SFMBT2: variants seen among roughly 807,000 people sequenced by gnomAD.
The protein encoded by SFMBT2 is scm-like with four MBT domains protein 2.
In SFMBT2, 38 loss-of-function variants were observed where a neutral mutation model predicts 110.1. The ratio of observed to expected loss-of-function variants is 0.35; its 90% CI spans 0.27 to 0.45. The LOEUF (loss-of-function observed/expected upper bound fraction) is 0.45, where lower values mean the gene tolerates loss of function less well. Ranked by LOEUF, SFMBT2 falls within the 20% of genes least tolerant of loss-of-function variation. The pLI is 1.00. For synonymous variants in SFMBT2, 425 were observed against 425.4 expected, an observed-to-expected ratio of 1.00 and a Z score of 0.01; for missense variants, 1,011 against 1,094.9, an observed-to-expected ratio of 0.92 and a Z score of 1.08.
rs1448626638 is a variant in SFMBT2, at chr10:7,410,958, C to G, written c.-149G>C. Among the ~76,000 whole-genome samples the G allele has an allele frequency of 6.6e-6, 1 of 151,652 alleles. No homozygotes were observed. Among genetic ancestry groups the G allele is most frequent in the East Asian group, 1.9e-4 (1 of 5,174 alleles). On this transcript the variant is annotated 5_prime_UTR_variant, in exon 1 of 21. Transcript: ENST00000397167. Reference sequence around the variant, plus strand: ...CGCTTGCTCGCTCGCCCGCCCTTGCCCGCTCGCTCCCCGCCCGCCGCCTCC... The same window carrying G: ...CGCTTGCTCGCTCGCCCGCCCTTGCGCGCTCGCTCCCCGCCCGCCGCCTCC...
In SFMBT2 at chr10:7,172,807, A is replaced by G; in HGVS notation, c.1985-146T>C. 2 of 1,051,074 alleles carry G rather than the reference A, an allele frequency of 1.9e-6. No homozygotes were observed. Among genetic ancestry groups the G allele is most frequent in the Non-Finnish European group, 2.7e-6 (2 of 738,352 alleles). 65.1% of individuals were successfully genotyped at this position (1,051,074 alleles called of 1,614,324 possible). ...AGTCATTCTGAGAAAACAGACCCACAGGAGAAGCACTGCTCCAAAGCTTCA... is the reference window on the plus strand; with the variant it reads ...AGTCATTCTGAGAAAACAGACCCACGGGAGAAGCACTGCTCCAAAGCTTCA... On this transcript the variant is annotated intron_variant, in intron 17 of 20. Transcript: ENST00000397167. This position sits in a 1 kb window ranked among gnomAD's most constrained non-coding sequence, Gnocchi z 4.6.
rs573607911 is a variant in SFMBT2 at position 7,301,515 on chromosome 10, C to T, written c.437-15561G>A. On this transcript the variant is annotated intron_variant, in intron 4 of 20. Transcript: ENST00000397167. The surrounding 1 kb of genome is among the most constrained non-coding windows in gnomAD (Gnocchi z 4.2). ...CCTGGGCTGTATCTGCACACTCAGC[C>T]ATCGGCAGTTAGTGGCACACTTTCC... Among the ~76,000 whole-genome samples, 69 of 152,324 alleles carry T rather than the reference C, an allele frequency of 4.5e-4. No homozygotes were observed. Among genetic ancestry groups the T allele is most frequent in the African/African-American group, 1.6e-3 (66 of 41,574 alleles).
At chr10:7,407,066 G>A (rs1177863140) in intron 1 of SFMBT2, among the ~76,000 whole-genome samples, 1 of 152,152 alleles carries the variant, frequency 6.6e-6, no homozygotes, top group Admixed American at 6.5e-5. Flanking sequence ...CAAGAGCAAA[G>A]ATAAGATCTG....
At chr10:7,215,575 G>A in intron 11 of SFMBT2, 4 of 985,418 alleles carry the variant, frequency 4.1e-6, no homozygotes, top group Middle Eastern at 1.0e-3. Context: ...CCAAGCACTG[G>A]AATCCCTCCC....
rs894004283 is a variant in SFMBT2 at position 7,164,057 on chromosome 10, G to A, written c.2545-147C>T. The A allele has an allele frequency of 2.9e-6, 4 of 1,378,692 alleles. No individual in the cohort carries two copies. In the East Asian group the frequency reaches 8.5e-5, roughly 29 times the overall value. 85.4% of individuals were successfully genotyped at this position (1,378,692 alleles called of 1,614,324 possible). ...CAGGGGATTGTTGGTAGAGATACCAGCCCGGCTTGATGACTGTCTAATCTT... is the reference window on the plus strand; with the variant it reads ...CAGGGGATTGTTGGTAGAGATACCAACCCGGCTTGATGACTGTCTAATCTT... On this transcript the variant is annotated intron_variant, in intron 20 of 20. Coordinates refer to ENST00000397167, the MANE Select transcript of SFMBT2 (RefSeq NM_001387889.1).
chr10:7,330,120 T>G (rs1843521183), intron 4 of SFMBT2, among the ~76,000 whole-genome samples: 1 of 152,160 alleles, frequency 6.6e-6, no homozygotes, highest in Non-Finnish European at 1.5e-5. Flanking sequence ...AAGATTGGGT[T>G]GTAAACGTTT....
At chr10:7,314,245 G>A (rs930742460) in intron 4 of SFMBT2, among the ~76,000 whole-genome samples, 1 of 152,180 alleles carries the variant, frequency 6.6e-6, no homozygotes, top group Non-Finnish European at 1.5e-5. Context: ...ATGACACAGC[G>A]CTAATCAAAA....
intron 4 of SFMBT2, among the ~76,000 whole-genome samples, chr10:7,347,243 G>A (rs1190600111): frequency 1.3e-5 from 2 of 152,190 alleles, no homozygotes; most frequent in African/African-American, 4.8e-5. Flanking sequence ...GTGAGCTGCT[G>A]TCCCCAGCCT....
At chr10:7,303,322 T>C (rs977589028) in intron 4 of SFMBT2, among the ~76,000 whole-genome samples, 9 of 152,390 alleles carry the variant, frequency 5.9e-5, no homozygotes, top group African/African-American at 9.6e-5. Flanking sequence ...ATGAAATTTA[T>C]AGTTGTTTAA....
At chr10:7,244,142 G>T in intron 8 of SFMBT2, 1 of 340,760 alleles carries the variant, frequency 2.9e-6, no homozygotes, top group Non-Finnish European at 4.2e-6. Context: ...GATCTGGCTT[G>T]GAGCTTTCTA....
At chr10:7,244,387 T>C (rs1840539665) in intron 8 of SFMBT2, among the ~76,000 whole-genome samples, 1 of 152,232 alleles carries the variant, frequency 6.6e-6, no homozygotes, top group African/African-American at 2.4e-5. Flanking sequence ...AAAACTCTCA[T>C]TCCTTCCTAG....
chr10:7,398,604 T>C (rs574484664), intron 1 of SFMBT2, among the ~76,000 whole-genome samples: 152 of 152,260 alleles, frequency 1.0e-3, no homozygotes, highest in African/African-American at 3.4e-3. Flanking sequence ...TTTATTTTTG[T>C]GGGTACATGG....
At chr10:7,409,124 A>G (rs1846302979) in intron 1 of SFMBT2, among the ~76,000 whole-genome samples, 1 of 148,808 alleles carries the variant, frequency 6.7e-6, no homozygotes, top group Non-Finnish European at 1.5e-5. Flanking sequence ...GTCTTCTCCA[A>G]GCTTCGGTCC....
At chr10:7,270,963 T>C (rs567555006) in intron 7 of SFMBT2, among the ~76,000 whole-genome samples, 271 of 152,292 alleles carry the variant, frequency 1.8e-3, no homozygotes, top group Non-Finnish European at 3.0e-3. Context: ...AGTGTGCATG[T>C]CCATTTAATC....
intron 15 of SFMBT2, among the ~76,000 whole-genome samples, chr10:7,194,067 A>G (rs1446613434): frequency 6.6e-6 from 1 of 152,176 alleles, no homozygotes; most frequent in Non-Finnish European, 1.5e-5. Context: ...GCAACTGGGC[A>G]TGGGCATCCT....
chr10:7,262,541 C>T (rs1340763269), intron 7 of SFMBT2, among the ~76,000 whole-genome samples: 1 of 152,198 alleles, frequency 6.6e-6, no homozygotes, highest in African/African-American at 2.4e-5. Context: ...CTGGCAAGAG[C>T]CAGAATTATC....
chr10:7,335,910 G>C (rs1368363859), intron 4 of SFMBT2, among the ~76,000 whole-genome samples: 3 of 151,860 alleles, frequency 2.0e-5, no homozygotes, highest in African/African-American at 7.3e-5. Flanking sequence ...ATACCATATG[G>C]CATGATGTAT....
chr10:7,293,416 T>C lies in SFMBT2; in HGVS notation c.437-7462A>G, dbSNP rs1485465405. Among the ~76,000 whole-genome samples the C allele has an allele frequency of 6.6e-6, 1 of 151,406 alleles. No homozygotes were observed. Among genetic ancestry groups the C allele is most frequent in the Non-Finnish European group, 1.5e-5 (1 of 67,988 alleles). On this transcript the variant is annotated intron_variant, in intron 4 of 20. Transcript: ENST00000397167. The surrounding 1 kb of genome is among the most constrained non-coding windows in gnomAD (Gnocchi z 4.6). ...GCCTGGTCAAAGTATTTTTTTTTAA[T>C]GTGAAGGTAAAGCTAATGGGATTCG...
At chr10:7,276,758 T>G in intron 7 of SFMBT2, 134 bp downstream of exon 7, 1 of 639,342 alleles carries the variant, frequency 1.6e-6, no homozygotes, top group Non-Finnish European at 2.8e-6. Flanking sequence ...GATCTCCTGA[T>G]GTCGTGATCC....
Sources: allele counts gnomAD v4.1 joint callset (sites outside exome capture counted in the v4.1 genomes callset), GRCh38; gene constraint gnomAD v4.1.1; non-coding constraint Gnocchi (gnomAD v3.1); transcripts MANE v1.5; gene names NCBI Gene and HGNC (gene_info 2026-07-23, HGNC 2026-07-21).